NCOA7: variants seen among roughly 807,000 people sequenced by gnomAD.
The protein encoded by NCOA7 is nuclear receptor coactivator 7, also known as 140 kDa estrogen receptor-associated protein.
A neutral mutation model predicts 104.3 loss-of-function variants in NCOA7; 45 were observed. The observed-to-expected ratio is 0.43, with a 90% confidence interval of 0.34 to 0.55. The LOEUF is 0.55. NCOA7 is among the 20% of genes least tolerant of loss of function. NCOA7 has a pLI of 0.02. For synonymous variants in NCOA7, 398 were observed against 402.3 expected (o/e 0.99, Z 0.13); for missense variants, 1,041 against 1,119.7 (o/e 0.93, Z 1.00).
chr6:125,901,957 G>C (rs1785541979), intron 10 of NCOA7, among the ~76,000 whole-genome samples: 1 of 152,168 alleles, frequency 6.6e-6, no homozygotes, highest in Admixed American at 6.5e-5. Flanking sequence ...CTCTCTGACT[G>C]TATTCTCCAA....
rs555410409 is a variant in NCOA7 at position 125,857,165 on chromosome 6, T to C, written c.271+1925T>C. On this transcript the variant is annotated intron_variant, in intron 3 of 15. Transcript: ENST00000392477. Reference sequence around the variant, plus strand: ...ACTTCTGTACTATTAATAAACTTCCTTTTAAAATGTAAATATTAAATATTA... The same window carrying C: ...ACTTCTGTACTATTAATAAACTTCCCTTTAAAATGTAAATATTAAATATTA... Among the ~76,000 whole-genome samples, 34 of 152,330 alleles carry C rather than the reference T, an allele frequency of 2.2e-4. No individual in the cohort carries two copies. The South Asian group carries it at 7.0e-3, about 32-fold the overall frequency.
At chr6:125,782,678 G>T (rs1347370092) in intron 1 of NCOA7, among the ~76,000 whole-genome samples, 2 of 152,028 alleles carry the variant, frequency 1.3e-5, no homozygotes, top group Non-Finnish European at 2.9e-5. Flanking sequence ...ATTTCTTCTG[G>T]CAGGACAACT....
At chr6:125,803,945 T>A (rs1433330947) in intron 1 of NCOA7, among the ~76,000 whole-genome samples, 1 of 131,666 alleles carries the variant, frequency 7.6e-6, no homozygotes, top group Non-Finnish European at 1.5e-5. Context: ...ACTGCTCACA[T>A]TTTTTTTTTT....
At chr6:125,794,011 C>G (rs1775083080) in intron 1 of NCOA7, among the ~76,000 whole-genome samples, 1 of 152,162 alleles carries the variant, frequency 6.6e-6, no homozygotes, top group Non-Finnish European at 1.5e-5. Flanking sequence ...AACCTATTCC[C>G]TTCCAATACT....
At chr6:125,881,274 T>A in intron 6 of NCOA7, 71 bp downstream of exon 6, 3 of 1,095,264 alleles carry the variant, frequency 2.7e-6, no homozygotes, top group Non-Finnish European at 1.4e-6. Flanking sequence ...TTCAACATGT[T>A]ATTTTTCACA....
chr6:125,799,721 C>G (rs920811398), intron 1 of NCOA7, among the ~76,000 whole-genome samples: 3 of 152,168 alleles, frequency 2.0e-5, no homozygotes, highest in African/African-American at 7.2e-5. Context: ...GGTTTACAGA[C>G]ATGAACCGCT....
intron 3 of NCOA7, among the ~76,000 whole-genome samples, chr6:125,867,261 A>G (rs1259870928): frequency 2.0e-5 from 3 of 152,244 alleles, no homozygotes; most frequent in Non-Finnish European, 2.9e-5. Flanking sequence ...TACACAGACA[A>G]TTATGTTATC....
chr6:125,822,505 C>T (rs1325411952), intron 2 of NCOA7, among the ~76,000 whole-genome samples: 1 of 152,204 alleles, frequency 6.6e-6, no homozygotes, highest in East Asian at 1.9e-4. Flanking sequence ...CCCCAAATCA[C>T]TTAGCCTTTA....
intron 1 of NCOA7, among the ~76,000 whole-genome samples, chr6:125,795,175 C>T (rs1775202113): frequency 6.6e-6 from 1 of 152,136 alleles, no homozygotes; most frequent in Non-Finnish European, 1.5e-5. Context: ...GAAAGATTGG[C>T]CTTTCTCAAG....
intron 13 of NCOA7, among the ~76,000 whole-genome samples, chr6:125,923,324 G>C (rs989351968): frequency 2.6e-5 from 4 of 152,136 alleles, no homozygotes; most frequent in African/African-American, 9.7e-5. Context: ...TGCCTGAGGG[G>C]CCCAATTGTT....
At chr6:125,856,694 CAT>C (rs550535751) in intron 3 of NCOA7, among the ~76,000 whole-genome samples, 19 of 151,010 alleles carry the variant, frequency 1.3e-4, no homozygotes, top group African/African-American at 4.1e-4. Context: ...TGTTGGAAGA[CAT>C]ATGGCATGGC....
At chr6:125,905,925 C>T (rs529246515) in intron 10 of NCOA7, among the ~76,000 whole-genome samples, 46 of 152,174 alleles carry the variant, frequency 3.0e-4, no homozygotes, top group Non-Finnish European at 4.0e-4. Flanking sequence ...CTCAGCCACC[C>T]GAGTAGCTGG....
At chr6:125,862,384 T>G (rs1205128686) in intron 3 of NCOA7, among the ~76,000 whole-genome samples, 1 of 138,492 alleles carries the variant, frequency 7.2e-6, no homozygotes, top group Admixed American at 6.8e-5. Flanking sequence ...GACTTCTTCA[T>G]AGTGGTGAAT....
At chr6:125,849,594 A>G (rs927214254) in intron 2 of NCOA7, among the ~76,000 whole-genome samples, 4 of 152,210 alleles carry the variant, frequency 2.6e-5, no homozygotes, top group Non-Finnish European at 5.9e-5. Flanking sequence ...TTTCATAATA[A>G]AAGAAGAAAA....
At chr6:125,814,228 C>T (rs2128570310) in intron 1 of NCOA7, among the ~76,000 whole-genome samples, 1 of 152,288 alleles carries the variant, frequency 6.6e-6, no homozygotes, top group Non-Finnish European at 1.5e-5. Flanking sequence ...CATCTTGGCT[C>T]ACTGCAACCT....
At chr6:125,816,138 C>A (rs1777572700) in intron 2 of NCOA7, among the ~76,000 whole-genome samples, 1 of 152,158 alleles carries the variant, frequency 6.6e-6, no homozygotes, top group Admixed American at 6.5e-5. Flanking sequence ...CATTCCATCC[C>A]CAGTCCCCAG....
chr6:125,865,546 A>G (rs1472412976), intron 3 of NCOA7, among the ~76,000 whole-genome samples: 1 of 136,732 alleles, frequency 7.3e-6, no homozygotes, highest in East Asian at 2.1e-4. Flanking sequence ...GGTTTCTCTT[A>G]AAGTGCTACC....
chr6:125,793,246 C>T (rs1445740867), intron 1 of NCOA7, among the ~76,000 whole-genome samples: 1 of 152,130 alleles, frequency 6.6e-6, no homozygotes, highest in African/African-American at 2.4e-5. Context: ...ATTTGTAACC[C>T]AGGGTATTGA....
chr6:125,867,228 T>C (rs1024989483), intron 3 of NCOA7, among the ~76,000 whole-genome samples: 3 of 152,246 alleles, frequency 2.0e-5, no homozygotes, highest in Non-Finnish European at 2.9e-5. Context: ...ATTTTTGACA[T>C]TTTCATGATA....
Sources: gnomAD v4.1 joint callset for allele counts (sites outside exome capture counted in the v4.1 genomes callset) on GRCh38, gnomAD v4.1.1 for gene constraint, MANE v1.5 for transcripts, NCBI Gene and HGNC (gene_info 2026-07-23, HGNC 2026-07-21) for gene names.